The following LMOD3 variants were observed in gnomAD, a reference collection of about 807,000 sequenced individuals.
LMOD3 encodes leiomodin-3.
A neutral mutation model predicts 41.8 loss-of-function variants in LMOD3; 31 were observed. The observed-to-expected ratio is 0.74, with a 90% CI of 0.56 to 1.00. The LOEUF (loss-of-function observed/expected upper bound fraction) is 1.00, where lower values mean the gene tolerates loss of function less well. Ranked by LOEUF, LMOD3 falls within the 50% of genes least tolerant of loss-of-function variation. The pLI, the probability that LMOD3 is intolerant of heterozygous loss-of-function variation, is 0.00. For synonymous variants in LMOD3, 292 were observed against 241.9 expected (o/e 1.21, Z -1.92); for missense variants, 755 against 679.5 (o/e 1.11, Z -1.23).
rs2092398015 is a variant in LMOD3, at chr3:69,119,758, C to G, written c.597G>C (p.Gln199His). 11 of 1,613,584 alleles carry G rather than the reference C, an allele frequency of 6.8e-6. No individual in the cohort carries two copies. The highest frequency in any genetic ancestry group is 9.3e-6 in the Non-Finnish European group (11 of 1,179,686). Residue 199 changes from glutamine (Q) to histidine (H), a missense_variant, in exon 2 of 3, where the codon CAG becomes CAC. Gln to His is a conservative substitution (Grantham distance 24). Transcript: ENST00000420581. Reference sequence around the variant, plus strand: ...GTTCTTGGGCCTCTGGTCTGTCTCTCTGTTCTTTGAATGCTTTGTCAGTTA... The same window carrying G: ...GTTCTTGGGCCTCTGGTCTGTCTCTGTGTTCTTTGAATGCTTTGTCAGTTA... ...QQVTDKAFKE[Q>H]RDRPEAQEQS...
rs377612351 is a variant in LMOD3 at position 69,109,114 on chromosome 3, A to T, written c.1664T>A (p.Leu555Gln). Residue 555 changes from leucine (L) to glutamine (Q), a missense_variant, in exon 3 of 3, where the codon CTG (leucine) becomes CAG (glutamine). Transcript: ENST00000420581. ...TGCCTCTTACGCCAGTTCTTTTGGC[A>T]GTTGCACCTGCGATTTAAGCATTTG... ...SSVAYLKPVQ[L>Q]PKELA 3.9e-4 allele frequency: 625 copies of T among 1,602,796 alleles called. 2 individuals carry two copies. The highest frequency in any genetic ancestry group is 5.0e-4 in the Non-Finnish European group (587 of 1,174,476).
chr3:69,112,537 T>C (rs1183401529), intron 2 of LMOD3, among the ~76,000 whole-genome samples: 1 of 152,154 alleles, frequency 6.6e-6, no homozygotes, highest in Non-Finnish European at 1.5e-5. Context: ...ACCCCTAACG[T>C]TTTTTTGTAA....
In LMOD3 at chr3:69,119,128, TTGC is replaced by T. The variant is rs1246477029; in HGVS notation, c.1224_1226del (p.Gln409del). The T allele has an allele frequency of 1.9e-6, 3 of 1,613,636 alleles. No homozygotes were observed. The highest frequency in any genetic ancestry group is 2.5e-6 in the Non-Finnish European group (3 of 1,179,868). ...CTATCAGCTTCTTCTGTTCCTTGAG[TTGC>T]TGCTGTTTTTGCTCTTCCTGTCGTT... On this transcript the variant is annotated inframe_deletion, in exon 2 of 3. Coordinates refer to ENST00000420581, the MANE Select transcript of LMOD3 (RefSeq NM_198271.5).
In LMOD3 at chr3:69,109,176, C is replaced by G. The variant is rs373635253; in HGVS notation, c.1657-55G>C. The G allele has an allele frequency of 1.0e-5, 16 of 1,548,360 alleles. No homozygotes were observed. The African/African-American group carries it at 2.0e-4, about 20-fold the overall frequency. ...GAAATTAATCCTGGAAATTTAAGAG[C>G]TTTGCAGCAAAATTTACAAAATTTA... On this transcript the variant is annotated intron_variant, in intron 2 of 2. Coordinates refer to ENST00000420581, the MANE Select transcript of LMOD3 (RefSeq NM_198271.5).
intron 2 of LMOD3, among the ~76,000 whole-genome samples, chr3:69,113,042 C>T (rs2092356617): frequency 6.6e-6 from 1 of 152,116 alleles, no homozygotes; most frequent in African/African-American, 2.4e-5. Context: ...AGAATTGTAA[C>T]ATTTCCAAAG....
In LMOD3 at chr3:69,108,810, C is replaced by A; in HGVS notation, c.*285G>T. On this transcript the variant is annotated 3_prime_UTR_variant, in exon 3 of 3. Coordinates refer to ENST00000420581, the MANE Select transcript of LMOD3 (RefSeq NM_198271.5). ...TTTAAAAAATTTTCTTTAACTTCTG[C>A]TTCGGGAAATATGACTCTAAATTTC... The A allele has an allele frequency of 3.0e-6, 1 of 332,388 alleles. No homozygotes were observed. The highest frequency in any genetic ancestry group is 4.7e-5 in the Admixed American group (1 of 21,194). The allele number at this position is 332,388 out of a possible 1,614,324, so 20.6% of individuals were successfully genotyped here.
intron 2 of LMOD3, among the ~76,000 whole-genome samples, chr3:69,113,827 A>G (rs752140571): frequency 5.9e-5 from 9 of 152,224 alleles, no homozygotes; most frequent in Non-Finnish European, 1.2e-4. Flanking sequence ...AGGAGTGAGC[A>G]GACCACAAGA....
At position 69,107,069 on chromosome 3, in the gene LMOD3, G is replaced by A. The variant is rs1948935; in HGVS notation, c.*2026C>T. On this transcript the variant is annotated 3_prime_UTR_variant, in exon 3 of 3. Transcript: ENST00000420581. ...TATGTTTAAAGTGCTTTTCCTATCA[G>A]AGTTTAGCCTCTTAGATGTAGTATG... 6.6e-6 allele frequency: 1 copy of A among 151,698 alleles called. No individual in the cohort carries two copies. The highest frequency in any genetic ancestry group is 2.4e-5 in the African/African-American group (1 of 41,262). The allele number at this position is 151,698 out of a possible 1,614,324, so 9.4% of individuals were successfully genotyped here.
chr3:69,110,765 C>A (rs1462828223), intron 2 of LMOD3, among the ~76,000 whole-genome samples: 1 of 145,048 alleles, frequency 6.9e-6, no homozygotes, highest in African/African-American at 2.6e-5. Context: ...ATTGCTTGAA[C>A]CCGGGAGGCA....
rs2092324358 is a variant in LMOD3 at position 69,106,752 on chromosome 3, G to C, written c.*2343C>G. On this transcript the variant is annotated 3_prime_UTR_variant, in exon 3 of 3. Transcript: ENST00000420581. ...TTGTTGCCCAGGCTGGAGTGCAATG[G>C]TGCAATCTCAGCTCACTGCAACCTC... 1.3e-5 allele frequency: 2 copies of C among 150,658 alleles called. No homozygotes were observed. Among genetic ancestry groups the C allele is most frequent in the Admixed American group, 6.6e-5 (1 of 15,128 alleles). The allele number at this position is 150,658 out of a possible 1,614,324, so 9.3% of individuals were successfully genotyped here. A position where few individuals can be genotyped will look rare whatever the true frequency, so the allele number is the denominator to read the frequency against.
chr3:69,115,810 T>C (rs2092369780), intron 2 of LMOD3, among the ~76,000 whole-genome samples: 1 of 152,172 alleles, frequency 6.6e-6, no homozygotes, highest in Admixed American at 6.5e-5. Context: ...GATGTATATT[T>C]TGGGACATTT....
rs536797628 is a variant in LMOD3 at position 69,115,241 on chromosome 3, G to A, written c.1656+3458C>T. On this transcript the variant is annotated intron_variant, in intron 2 of 2. Transcript: ENST00000420581. The stretch of plus-strand genomic sequence containing the variant: ...TGATGCCTGTAATCCCGCCACTTTG[G>A]GAGGCTGAAGCGGAAGGATCACTTG... Among the ~76,000 whole-genome samples the A allele has an allele frequency of 1.1e-4, 17 of 152,198 alleles. No homozygotes were observed. The East Asian group carries it at 2.9e-3, about 26-fold the overall frequency.
At position 69,108,964 on chromosome 3, in the gene LMOD3, T is replaced by C; in HGVS notation, c.*131A>G. The stretch of plus-strand genomic sequence containing the variant: ...AACATTCTGCCTTTTACAAATACCC[T>C]TATCAGATGGTAGCATTGTTTCCAG... On this transcript the variant is annotated 3_prime_UTR_variant, in exon 3 of 3. Transcript: ENST00000420581. 6.4e-6 allele frequency: 5 copies of C among 786,026 alleles called. No homozygotes were observed. In the South Asian group the frequency reaches 6.7e-5, roughly 11 times the overall value. 48.7% of individuals were successfully genotyped at this position (786,026 alleles called of 1,614,324 possible).
chr3:69,106,872 T>A lies in LMOD3; in HGVS notation c.*2223A>T, dbSNP rs1276161103. On this transcript the variant is annotated 3_prime_UTR_variant, in exon 3 of 3. Coordinates refer to ENST00000420581, the MANE Select transcript of LMOD3 (RefSeq NM_198271.5). ...TGGCTAATTTTGTATTTTTTTTTTT[T>A]TTTTTTTTTTTTTTTAGTAGAAATG... is the stretch of plus-strand genomic sequence containing the variant. 1 of 145,222 alleles carries A rather than the reference T, an allele frequency of 6.9e-6. No individual in the cohort carries two copies. Among genetic ancestry groups the A allele is most frequent in the African/African-American group, 2.5e-5 (1 of 39,298 alleles). 9.0% of individuals were successfully genotyped at this position (145,222 alleles called of 1,614,324 possible).
At chr3:69,121,227 T>C (rs1401655303) in intron 1 of LMOD3, among the ~76,000 whole-genome samples, 1 of 152,260 alleles carries the variant, frequency 6.6e-6, no homozygotes, top group East Asian at 1.9e-4. Context: ...TACCTTGAAC[T>C]CTAACCTGAT....
At chr3:69,121,074 G>A (rs1227490744) in intron 1 of LMOD3, among the ~76,000 whole-genome samples, 2 of 152,068 alleles carry the variant, frequency 1.3e-5, no homozygotes, top group African/African-American at 2.4e-5. Context: ...ACCAGAAGGG[G>A]GAGCCAACCA....
At chr3:69,113,024 C>G (rs2092356552) in intron 2 of LMOD3, among the ~76,000 whole-genome samples, 1 of 152,112 alleles carries the variant, frequency 6.6e-6, no homozygotes, top group Non-Finnish European at 1.5e-5. Flanking sequence ...ATGGAGGCTC[C>G]CTTCATTAGA....
In LMOD3 at chr3:69,122,164, T is replaced by C; in HGVS notation, c.223A>G (p.Met75Val). ...NFNHKSLVDYMYWEKASRRML... is the reference protein window; with the variant it reads ...NFNHKSLVDYVYWEKASRRML... ...CGCCTGGATGCCTTTTCCCAATACA[T>C]ATAATCAACAAGAGATTTATGATTG... The change falls in exon 1 of 3, where the codon ATG (methionine) becomes GTG (valine). Residue 75 changes from methionine (M) to valine (V), a missense_variant. By Grantham distance (21) the Met-to-Val change is conservative (BLOSUM62 1). Coordinates refer to ENST00000420581, the MANE Select transcript of LMOD3 (RefSeq NM_198271.5). The C allele has an allele frequency of 1.2e-6, 2 of 1,613,094 alleles. No homozygotes were observed. Among genetic ancestry groups the C allele is most frequent in the East Asian group, 2.2e-5 (1 of 44,796 alleles).
rs1174244157 is a variant in LMOD3, at chr3:69,119,281, C to T, written c.1074G>A (p.Met358Ile). The T allele has an allele frequency of 1.2e-6, 2 of 1,613,814 alleles. No individual in the cohort carries two copies. Among genetic ancestry groups the T allele is most frequent in the African/African-American group, 2.7e-5 (2 of 74,908 alleles). ...QRHMLGHHAE[M>I]EIARLLKANN... ...TTGCCTTCAAAAGCCTGGCTATTTC[C>T]ATTTCAGCATGGTGACCCAACATGT... The change falls in exon 2 of 3, where the codon ATG becomes ATA. Residue 358 changes from methionine to isoleucine, a missense_variant. Met to Ile is a conservative substitution (Grantham distance 10, BLOSUM62 1). Transcript: ENST00000420581.
Sources: allele counts gnomAD v4.1 joint callset (sites outside exome capture counted in the v4.1 genomes callset), GRCh38; gene constraint gnomAD v4.1.1; transcripts MANE v1.5; gene names NCBI Gene and HGNC (gene_info 2026-07-23, HGNC 2026-07-21).